AUTS2: variants seen among roughly 807,000 people sequenced by gnomAD.
AUTS2 encodes activator of transcription and developmental regulator AUTS2, also known as autism susceptibility gene 2 protein.
A neutral mutation model predicts 112.4 loss-of-function variants in AUTS2; 17 were observed. The ratio of observed to expected loss-of-function variants is 0.15; its 90% CI spans 0.10 to 0.23. The LOEUF (loss-of-function observed/expected upper bound fraction) is 0.23. Ranked by LOEUF, AUTS2 falls within the 10% of genes least tolerant of loss-of-function variation. The pLI is 1.00. For synonymous variants in AUTS2, 751 were observed against 702.7 expected (o/e 1.07, Z -1.09); for missense variants, 1,510 against 1,701.6 (o/e 0.89, Z 1.98).
At chr7:70,573,102 TA>T (rs1802017363) in intron 5 of AUTS2, among the ~76,000 whole-genome samples, 1 of 28,236 alleles carries the variant, frequency 3.5e-5, no homozygotes, top group Non-Finnish European at 7.6e-5. Flanking sequence ...TTATCTGGTT[TA>T]TTCATGGAAA....
At chr7:70,289,162 A>G (rs953845116) in intron 4 of AUTS2, among the ~76,000 whole-genome samples, 1 of 152,178 alleles carries the variant, frequency 6.6e-6, no homozygotes, top group African/African-American at 2.4e-5. Context: ...TACAAACCCA[A>G]AATATTTAAG....
rs184026331 is a variant in AUTS2 at position 70,431,985 on chromosome 7, G to A, written c.661-3767G>A. On this transcript the variant is annotated intron_variant, in intron 4 of 18. Transcript: ENST00000342771. ...TGGGTCATGTCTTTGTCTGAAGGCCGGGTGACCATGAATTCTTATCTGTGA... is the reference window on the plus strand; with the variant it reads ...TGGGTCATGTCTTTGTCTGAAGGCCAGGTGACCATGAATTCTTATCTGTGA... Among the ~76,000 whole-genome samples the A allele has an allele frequency of 6.0e-3, 909 of 152,294 alleles. 3 individuals are homozygous for A. Among genetic ancestry groups the A allele is most frequent in the Non-Finnish European group, 9.4e-3 (637 of 68,028 alleles).
At chr7:70,758,073 C>A (rs913345949) in intron 6 of AUTS2, among the ~76,000 whole-genome samples, 1 of 152,154 alleles carries the variant, frequency 6.6e-6, no homozygotes, top group South Asian at 2.1e-4. Context: ...TGAGCCGCTG[C>A]GCCCAGCCAC....
intron 2 of AUTS2, among the ~76,000 whole-genome samples, chr7:69,945,565 C>T (rs1245407489): frequency 1.3e-5 from 2 of 151,768 alleles, no homozygotes; most frequent in Admixed American, 1.3e-4. Flanking sequence ...AATTAAACAC[C>T]TTAATCCAAA....
intron 1 of AUTS2, among the ~76,000 whole-genome samples, chr7:69,887,791 A>G (rs80002473): frequency 6.4e-4 from 97 of 152,348 alleles, no homozygotes; most frequent in African/African-American, 2.3e-3. Context: ...TGAGGTACTG[A>G]GATCCAGTAA....
At chr7:70,674,567 C>A (rs1035241472) in intron 5 of AUTS2, among the ~76,000 whole-genome samples, 1 of 152,186 alleles carries the variant, frequency 6.6e-6, no homozygotes, top group African/African-American at 2.4e-5. Context: ...TATCACCTAA[C>A]GCGATCCCGC....
intron 5 of AUTS2, among the ~76,000 whole-genome samples, chr7:70,636,727 G>A (rs1274767235): frequency 6.6e-6 from 1 of 150,890 alleles, no homozygotes; most frequent in Non-Finnish European, 1.5e-5. Flanking sequence ...GCTTACTGCA[G>A]CCTCAAACTC....
chr7:69,875,194 T>C (rs750864538), intron 1 of AUTS2, among the ~76,000 whole-genome samples: 1 of 152,204 alleles, frequency 6.6e-6, no homozygotes, highest in Non-Finnish European at 1.5e-5. Context: ...TTTGCCAGTA[T>C]ATCAAATAAG....
chr7:69,797,924 C>T (rs1418946018), intron 1 of AUTS2, among the ~76,000 whole-genome samples: 4 of 152,080 alleles, frequency 2.6e-5, no homozygotes, highest in African/African-American at 4.8e-5. Context: ...AGGAAGGAGA[C>T]TTGTATAGTG....
intron 4 of AUTS2, among the ~76,000 whole-genome samples, chr7:70,359,738 G>T (rs1196875125): frequency 6.6e-6 from 1 of 152,162 alleles, no homozygotes; most frequent in Non-Finnish European, 1.5e-5. Flanking sequence ...CCACACTGGG[G>T]ATTAAATTTC....
chr7:70,633,610 C>CAG (rs1805386052), intron 5 of AUTS2, among the ~76,000 whole-genome samples: 1 of 104,884 alleles, frequency 9.5e-6, no homozygotes, highest in Admixed American at 1.1e-4. Flanking sequence ...GACTCCGTCT[C>CAG]AAAAAAAAAA....
At chr7:70,590,152 A>G (rs111944707) in intron 5 of AUTS2, among the ~76,000 whole-genome samples, 33,532 of 111,850 alleles carry the variant, frequency 0.3, 4,049 homozygotes, top group Middle Eastern at 0.43. Flanking sequence ...GTGTGTGTGT[A>G]TGTATGTATA....
intron 1 of AUTS2, among the ~76,000 whole-genome samples, chr7:69,666,541 A>G (rs1442662607): frequency 6.6e-6 from 1 of 152,196 alleles, no homozygotes; most frequent in Non-Finnish European, 1.5e-5. Flanking sequence ...TGTATTGGAA[A>G]ATAGGCACTG....
intron 4 of AUTS2, among the ~76,000 whole-genome samples, chr7:70,160,675 A>G (rs1192777686): frequency 3.3e-5 from 5 of 152,198 alleles, no homozygotes; most frequent in African/African-American, 1.2e-4. Flanking sequence ...TGAGTGTCAG[A>G]CACTGTGCTT....
At chr7:70,160,132 A>G (rs1807995262) in intron 4 of AUTS2, among the ~76,000 whole-genome samples, 1 of 152,168 alleles carries the variant, frequency 6.6e-6, no homozygotes, top group African/African-American at 2.4e-5. Flanking sequence ...AATTTAAGTG[A>G]TATTTGCCCA....
rs2293500 is a variant in AUTS2, at chr7:70,787,199, A to G, written c.2309-10A>G. On this transcript the variant is annotated splice_polypyrimidine_tract_variant and intron_variant, in intron 17 of 18. Transcript: ENST00000342771. ...CTTAAACCTTTTTGTTCTCCACTTC[A>G]CCATTTCAGCACCCAACTCAATGTT... The G allele has an allele frequency of 0.79, 1,281,672 of 1,613,314 alleles. 512,889 individuals carry two copies. The highest frequency in any genetic ancestry group is 0.82 in the Non-Finnish European group (968,199 of 1,179,558).
intron 5 of AUTS2, among the ~76,000 whole-genome samples, chr7:70,591,554 C>G (rs544600681): frequency 6.6e-6 from 1 of 152,274 alleles, no homozygotes; most frequent in South Asian, 2.1e-4. Context: ...CTGGCCATCA[C>G]GCCTGACTAA....
chr7:70,541,426 C>T (rs1391070292), intron 5 of AUTS2, among the ~76,000 whole-genome samples: 2 of 152,180 alleles, frequency 1.3e-5, no homozygotes, highest in South Asian at 2.1e-4. Flanking sequence ...ACCTTATCTG[C>T]TCCACGTATA....
chr7:70,081,143 T>C (rs1314217133), intron 2 of AUTS2, among the ~76,000 whole-genome samples: 2 of 152,154 alleles, frequency 1.3e-5, no homozygotes, highest in Non-Finnish European at 2.9e-5. Context: ...TTTGCATTGC[T>C]CTGAGAAGTG....
Sources: gnomAD v4.1 joint callset for allele counts (sites outside exome capture counted in the v4.1 genomes callset) on GRCh38, gnomAD v4.1.1 for gene constraint, MANE v1.5 for transcripts, NCBI Gene and HGNC (gene_info 2026-07-23, HGNC 2026-07-21) for gene names.